SLC25A32: variants seen among roughly 807,000 people sequenced by gnomAD.
SLC25A32 encodes the protein solute carrier family 25 member 32.
A neutral mutation model predicts 39.0 loss-of-function variants in SLC25A32; 32 were observed. The ratio of observed to expected loss-of-function variants is 0.82; its 90% CI spans 0.62 to 1.10. SLC25A32 has a LOEUF of 1.10. Ranked by LOEUF, SLC25A32 falls within the 50% of genes least tolerant of loss-of-function variation. The pLI, the probability that SLC25A32 is intolerant of heterozygous loss-of-function variation, is 0.00. For missense variants in SLC25A32, 367 were observed against 395.3 expected, an observed-to-expected ratio of 0.93 and a Z score of 0.61; for synonymous variants, 166 against 152.4, an observed-to-expected ratio of 1.09 and a Z score of -0.66.
At position 103,400,516 on chromosome 8, in the gene SLC25A32, T is replaced by G. The variant is rs1404926771; in HGVS notation, c.843A>C (p.Gly281=). The change falls in exon 7 of 7, where the codon GGA becomes GGC. Residue 281 remains glycine (G), a synonymous_variant. Coordinates refer to ENST00000297578, the MANE Select transcript of SLC25A32 (RefSeq NM_030780.5). The part of the protein sequence containing the change: ...RKEGVGGFYK[G]IAPNLIRVTP... ...TCACTCTAATCAAATTAGGAGCAAT[T>G]CCCTTGTAAAATCCACCGACGCCTT... 3 of 1,614,078 alleles carry G rather than the reference T, an allele frequency of 1.9e-6. No homozygotes were observed. The highest frequency in any genetic ancestry group is 2.5e-6 in the Non-Finnish European group (3 of 1,179,992).
intron 2 of SLC25A32, among the ~76,000 whole-genome samples, chr8:103,405,544 A>G (rs979390193): frequency 6.6e-6 from 1 of 152,154 alleles, no homozygotes; most frequent in Non-Finnish European, 1.5e-5. Context: ...TTTGCATTTT[A>G]TTTGGTAGAA....
chr8:103,413,999 T>C (rs1816527283), intron 1 of SLC25A32, among the ~76,000 whole-genome samples: 1 of 152,242 alleles, frequency 6.6e-6, no homozygotes, highest in Admixed American at 6.5e-5. Context: ...GATACTTCTG[T>C]AGCCCATACA....
At position 103,407,840 on chromosome 8, in the gene SLC25A32, A is replaced by G; in HGVS notation, c.155-56T>C. 5.4e-6 allele frequency: 8 copies of G among 1,470,386 alleles called. No individual in the cohort carries two copies. The South Asian group carries it at 8.5e-5, about 16-fold the overall frequency. The allele number at this position is 1,470,386 out of a possible 1,614,324, so 91.1% of individuals were successfully genotyped here. ...GAACAAAGTTCTAGCTCTGTATCAC[A>G]TATAAACACAGACACTGTACAATTG... is the stretch of plus-strand genomic sequence containing the variant. On this transcript the variant is annotated intron_variant, in intron 1 of 6. Transcript: ENST00000297578.
intron 1 of SLC25A32, among the ~76,000 whole-genome samples, chr8:103,411,064 C>T (rs1293224672): frequency 6.6e-6 from 1 of 152,098 alleles, no homozygotes; most frequent in Non-Finnish European, 1.5e-5. Flanking sequence ...TAAAACCAGA[C>T]TGGAATTGAA....
intron 1 of SLC25A32, among the ~76,000 whole-genome samples, chr8:103,413,117 C>T (rs1816500109): frequency 6.6e-6 from 1 of 152,168 alleles, no homozygotes; most frequent in Non-Finnish European, 1.5e-5. Context: ...TCTCCTAATA[C>T]TCTTCCCAAT....
Position 103,399,266 on chromosome 8 carries a change from A to G in SLC25A32, c.*1145T>C, listed in dbSNP as rs1816166048. ...TACCTTGTCAACAAACATATCCCAA[A>G]CATTTCAGCATCTGTAAAAGGTGAT... On this transcript the variant is annotated 3_prime_UTR_variant, in exon 7 of 7. Coordinates refer to ENST00000297578, the MANE Select transcript of SLC25A32 (RefSeq NM_030780.5). 1 of 152,238 alleles carries G rather than the reference A, an allele frequency of 6.6e-6. No homozygotes were observed. Among genetic ancestry groups the G allele is most frequent in the African/African-American group, 2.4e-5 (1 of 41,470 alleles). The allele number at this position is 152,238 out of a possible 1,614,324, so 9.4% of individuals were successfully genotyped here. A position where few individuals can be genotyped will look rare whatever the true frequency, so the allele number is the denominator to read the frequency against.
chr8:103,404,718 C>G (rs999189569), intron 3 of SLC25A32, 58 bp downstream of exon 3: 24 of 1,295,184 alleles, frequency 1.9e-5, no homozygotes, highest in Non-Finnish European at 2.5e-5. Flanking sequence ...AAATCAAAAA[C>G]CAAAACTGAA....
At position 103,400,393 on chromosome 8, in the gene SLC25A32, G is replaced by C; in HGVS notation, c.*18C>G. The C allele has an allele frequency of 6.2e-7, 1 of 1,613,880 alleles. No homozygotes were observed. The highest frequency in any genetic ancestry group is 1.7e-5 in the Admixed American group (1 of 59,968). ...GTTGCTGCCTTGGGCAGATATACTG[G>C]AATTGTCCTCTTTGAGCTTACTTTC... On this transcript the variant is annotated 3_prime_UTR_variant, in exon 7 of 7. Coordinates refer to ENST00000297578, the MANE Select transcript of SLC25A32 (RefSeq NM_030780.5).
In SLC25A32 at chr8:103,414,943, C is replaced by T. The variant is rs777774840; in HGVS notation, c.-6G>A. 14 of 1,595,912 alleles carry T rather than the reference C, an allele frequency of 8.8e-6. No individual in the cohort carries two copies. Among genetic ancestry groups the T allele is most frequent in the Admixed American group, 1.7e-5 (1 of 57,216 alleles). ...GACTGGCCCTGGCCCGTCATAGGCT[C>T]GGGGCCCGTCGACACCACGGCGCCC... On this transcript the variant is annotated 5_prime_UTR_variant, in exon 1 of 7. Transcript: ENST00000297578.
In SLC25A32 at chr8:103,404,851, T is replaced by C. The variant is rs756957172; in HGVS notation, c.316A>G (p.Ile106Val). ...CTTCCTTCTGTTTTATATGACTTGA[T>C]GGCATTGTAACTAAAAGAATTAAAT... ...WGLYFFFYNA[I>V]KSYKTEGRAE... The change falls in exon 3 of 7, where the codon ATC becomes GTC. Residue 106 changes from isoleucine to valine, a missense_variant. Transcript: ENST00000297578. 6.8e-6 allele frequency: 11 copies of C among 1,609,764 alleles called. No homozygotes were observed. The highest frequency in any genetic ancestry group is 9.4e-6 in the Non-Finnish European group (11 of 1,176,404).
intron 1 of SLC25A32, 59 bp downstream of exon 1, chr8:103,414,725 G>A (rs916091653): frequency 3.1e-6 from 5 of 1,605,984 alleles, no homozygotes; most frequent in South Asian, 1.1e-5. Flanking sequence ...AAAGACGGAG[G>A]AGATCCAGTT....
intron 1 of SLC25A32, 78 bp from the exon 2 acceptor site, chr8:103,407,862 A>C: frequency 8.3e-7 from 1 of 1,205,074 alleles, no homozygotes; most frequent in Non-Finnish European, 1.1e-6. Flanking sequence ...ACACTGTACA[A>C]TTGGTTATAT....
intron 1 of SLC25A32, chr8:103,414,576 GC>G (rs916053816): frequency 1.0e-4 from 67 of 640,478 alleles, no homozygotes; most frequent in Admixed American, 1.8e-4. Flanking sequence ...CTACATACAT[GC>G]CCCCTCTCTT....
chr8:103,404,896 T>C (rs1267915874), intron 2 of SLC25A32, 35 bp from the exon 3 acceptor site: 3 of 1,427,746 alleles, frequency 2.1e-6, no homozygotes, highest in Non-Finnish European at 3.0e-6. Context: ...TTAATTTGAA[T>C]AGGTGTCATT....
intron 1 of SLC25A32, among the ~76,000 whole-genome samples, chr8:103,413,908 T>C (rs1220462068): frequency 2.6e-5 from 4 of 152,258 alleles, no homozygotes; most frequent in Admixed American, 6.5e-5. Flanking sequence ...TGATTTTATG[T>C]TGTCTAGAAT....
chr8:103,414,249 C>T (rs1816535325), intron 1 of SLC25A32, among the ~76,000 whole-genome samples: 1 of 152,194 alleles, frequency 6.6e-6, no homozygotes, highest in African/African-American at 2.4e-5. Context: ...TCATCTAATA[C>T]ACTTAAAATA....
chr8:103,403,596 G>A (rs1816265802), intron 3 of SLC25A32, among the ~76,000 whole-genome samples: 1 of 152,094 alleles, frequency 6.6e-6, no homozygotes, highest in African/African-American at 2.4e-5. Context: ...TCTCTTTGAA[G>A]TGTAAGGATA....
chr8:103,399,869 C>A lies in SLC25A32; in HGVS notation c.*542G>T, dbSNP rs192237910. 633 of 153,518 alleles carry A rather than the reference C, an allele frequency of 4.1e-3. 17 individuals carry two copies. Among genetic ancestry groups the A allele is most frequent in the Non-Finnish European group, 1.7e-3 (115 of 69,096 alleles). The allele number at this position is 153,518 out of a possible 1,614,324, so 9.5% of individuals were successfully genotyped here. ...GCAGTGAGCTGAGATCACGCCACTG[C>A]ACTCCAGCCTGGGCGACAAAGCAAG... On this transcript the variant is annotated 3_prime_UTR_variant, in exon 7 of 7. Coordinates refer to ENST00000297578, the MANE Select transcript of SLC25A32 (RefSeq NM_030780.5).
At chr8:103,413,654 C>G (rs139251262) in intron 1 of SLC25A32, among the ~76,000 whole-genome samples, 5 of 152,330 alleles carry the variant, frequency 3.3e-5, no homozygotes, top group African/African-American at 1.2e-4. Flanking sequence ...GTGCATGCAT[C>G]ATAAAACTTC....
Sources: gnomAD v4.1 joint callset for allele counts (sites outside exome capture counted in the v4.1 genomes callset) on GRCh38, gnomAD v4.1.1 for gene constraint, MANE v1.5 for transcripts, NCBI Gene and HGNC (gene_info 2026-07-23, HGNC 2026-07-21) for gene names.